The following ZMYM4 variants were observed in gnomAD, a reference collection of about 807,000 sequenced individuals.
ZMYM4 encodes the protein zinc finger MYM-type containing 4.
A neutral mutation model predicts 183.2 loss-of-function variants in ZMYM4; 31 were observed. The observed-to-expected ratio is 0.17, with a 90% CI of 0.13 to 0.23. ZMYM4 has a LOEUF of 0.23. ZMYM4 is among the 10% of genes least tolerant of loss of function. The probability of loss-of-function intolerance (pLI) is 1.00; values close to 1 mark genes in which losing one functional copy is unlikely to be tolerated. For missense variants in ZMYM4, 1,273 were observed against 1,840.3 expected (o/e 0.69, Z 5.64); for synonymous variants, 592 against 631.2 (o/e 0.94, Z 0.93).
At position 35,413,720 on chromosome 1, in the gene ZMYM4, C is replaced by G. The variant is rs182818526; in HGVS notation, c.3949-252C>G. On this transcript the variant is annotated intron_variant, in intron 26 of 29. Transcript: ENST00000314607. ...TTCATAATACTTCTTCTGTACCATC[C>G]GTGTTTGAAAACGAAGTACAAAAAC... is the stretch of plus-strand genomic sequence containing the variant. Among the ~76,000 whole-genome samples, 29 of 152,222 alleles carry G rather than the reference C, an allele frequency of 1.9e-4. No homozygotes were observed. The East Asian group carries it at 5.4e-3, about 28-fold the overall frequency.
chr1:35,370,009 TA>T lies in ZMYM4; in HGVS notation c.841-19del, dbSNP rs1179245881. On this transcript the variant is annotated intron_variant, in intron 5 of 29. Transcript: ENST00000314607. ...TTATTCTTTTCTCTATGTATTTATT[TA>T]TTTTTTTCTTCTTTAAAGGAGTATA... 4.5e-6 allele frequency: 7 copies of T among 1,566,842 alleles called. No homozygotes were observed. The highest frequency in any genetic ancestry group is 6.1e-6 in the Non-Finnish European group (7 of 1,142,928).
chr1:35,268,840 C>T lies in ZMYM4; in HGVS notation c.-207C>T, dbSNP rs1315617536. The T allele has an allele frequency of 8.9e-6, 4 of 448,258 alleles. No individual in the cohort carries two copies. The highest frequency in any genetic ancestry group is 4.1e-5 in the East Asian group (1 of 24,324). 27.8% of individuals were successfully genotyped at this position (448,258 alleles called of 1,614,324 possible). A position where few individuals can be genotyped will look rare whatever the true frequency, so the allele number is the denominator to read the frequency against. ...CCCACCCCGTCCCCGGGCAGGCCCT[C>T]CCGCCCACGCGCGGACCCGTGGGAT... is the stretch of plus-strand genomic sequence containing the variant. On this transcript the variant is annotated 5_prime_UTR_variant, in exon 1 of 30. Transcript: ENST00000314607.
chr1:35,336,017 T>C (rs1461850387), intron 2 of ZMYM4, among the ~76,000 whole-genome samples: 1 of 152,210 alleles, frequency 6.6e-6, no homozygotes, highest in Admixed American at 6.5e-5. Context: ...ATATTCACAT[T>C]GTTGTGCAAC....
intron 2 of ZMYM4, among the ~76,000 whole-genome samples, chr1:35,328,959 G>C (rs1642621423): frequency 6.6e-6 from 1 of 152,044 alleles, no homozygotes; most frequent in Non-Finnish European, 1.5e-5. Context: ...GACCTACCCT[G>C]CTAGACCTAC....
intron 1 of ZMYM4, among the ~76,000 whole-genome samples, chr1:35,282,081 A>G (rs182887771): frequency 1.6e-4 from 25 of 152,354 alleles, no homozygotes; most frequent in African/African-American, 5.8e-4. Context: ...GGCTATTGTA[A>G]GTAATGTTGC....
intron 1 of ZMYM4, among the ~76,000 whole-genome samples, chr1:35,271,833 A>C (rs1639622006): frequency 6.6e-6 from 1 of 152,220 alleles, no homozygotes; most frequent in Non-Finnish European, 1.5e-5. Flanking sequence ...GTGTGGTGGC[A>C]CATGCTTCTA....
chr1:35,370,461 G>C lies in ZMYM4; in HGVS notation c.1015G>C (p.Val339Leu). ...TTCAGTTCCAGCCACAGCTGTTCGA[G>C]TTTCCTGTTCTGGTTGTAAAAAAAT... ...LPSVPATAVR[V>L]SCSGCKKILQ... The change falls in exon 7 of 30, where the codon GTT (valine) becomes CTT (leucine). Residue 339 changes from valine (V) to leucine (L), a missense_variant. By Grantham distance (32) the Val-to-Leu change is conservative (BLOSUM62 1). Transcript: ENST00000314607. The C allele has an allele frequency of 6.3e-7, 1 of 1,598,852 alleles. No individual in the cohort carries two copies.
chr1:35,357,596 G>T (rs1171697251), intron 2 of ZMYM4, among the ~76,000 whole-genome samples: 2 of 152,170 alleles, frequency 1.3e-5, no homozygotes, highest in Admixed American at 6.5e-5. Flanking sequence ...AGAGAGATAA[G>T]TAATAAAGTT....
At chr1:35,380,792 G>C (rs1426176505) in intron 7 of ZMYM4, among the ~76,000 whole-genome samples, 2 of 151,970 alleles carry the variant, frequency 1.3e-5, no homozygotes, top group African/African-American at 2.4e-5. Context: ...ATTTAGATAT[G>C]GTAATGTTAT....
intron 7 of ZMYM4, among the ~76,000 whole-genome samples, chr1:35,379,137 A>G (rs1644396929): frequency 6.6e-6 from 1 of 152,022 alleles, no homozygotes; most frequent in Non-Finnish European, 1.5e-5. Context: ...GTGTCTCTCT[A>G]TCACCCAGGC....
At chr1:35,296,023 T>A (rs1379739688) in intron 1 of ZMYM4, 2 of 152,214 alleles carry the variant, frequency 1.3e-5, no homozygotes, top group East Asian at 3.9e-4. Context: ...TGGGGTTAAA[T>A]AGTGCCATTT....
intron 2 of ZMYM4, chr1:35,351,430 A>C (rs1643602547): frequency 6.4e-7 from 1 of 1,573,206 alleles, no homozygotes; most frequent in Admixed American, 1.7e-5. Context: ...ATGATGGAGG[A>C]GATGTATAAG....
intron 1 of ZMYM4, among the ~76,000 whole-genome samples, chr1:35,292,849 C>T (rs1640828520): frequency 1.3e-5 from 2 of 152,038 alleles, no homozygotes; most frequent in African/African-American, 4.8e-5. Context: ...CAGGGGAGTT[C>T]CCCCATTTCC....
intron 1 of ZMYM4, among the ~76,000 whole-genome samples, chr1:35,284,429 T>G (rs1471899068): frequency 6.6e-6 from 1 of 152,244 alleles, no homozygotes; most frequent in Non-Finnish European, 1.5e-5. Flanking sequence ...GTCTTTAATT[T>G]AGGTCTTTAA....
chr1:35,298,076 G>T (rs1371747066), intron 1 of ZMYM4, among the ~76,000 whole-genome samples: 1 of 152,226 alleles, frequency 6.6e-6, no homozygotes, highest in Non-Finnish European at 1.5e-5. Flanking sequence ...AAATCTGGAT[G>T]ATGGCCAGCC....
intron 1 of ZMYM4, among the ~76,000 whole-genome samples, chr1:35,311,745 TAAA>T (rs1374325790): frequency 1.3e-5 from 2 of 152,226 alleles, no homozygotes; most frequent in Non-Finnish European, 2.9e-5. Context: ...AAACATAGGT[TAAA>T]GAAGTGAAAA....
chr1:35,397,435 G>C lies in ZMYM4; in HGVS notation c.3089G>C (p.Ser1030Thr). Reference sequence around the variant, plus strand: ...GATAGTGAAGATAAAGTCACAGAGAGTATTGAAGACATTAAAGAAAAGCTT... The same window carrying C: ...GATAGTGAAGATAAAGTCACAGAGACTATTGAAGACATTAAAGAAAAGCTT... ...SMDSEDKVTE[S>T]IEDIKEKLPT... Residue 1030 changes from serine to threonine, a missense_variant, in exon 20 of 30, where the codon AGT (serine) becomes ACT (threonine). Ser to Thr is a moderately conservative substitution (Grantham distance 58). Transcript: ENST00000314607. 2 of 1,613,352 alleles carry C rather than the reference G, an allele frequency of 1.2e-6. No individual in the cohort carries two copies. Among genetic ancestry groups the C allele is most frequent in the Non-Finnish European group, 1.7e-6 (2 of 1,179,658 alleles).
intron 28 of ZMYM4, among the ~76,000 whole-genome samples, chr1:35,416,873 A>G (rs895699859): frequency 6.6e-6 from 1 of 152,050 alleles, no homozygotes; most frequent in African/African-American, 2.4e-5. Context: ...CTCAGTTGGT[A>G]TTAACTGGGG....
intron 1 of ZMYM4, 121 bp downstream of exon 1, chr1:35,269,206 A>C: frequency 9.4e-7 from 1 of 1,067,132 alleles, no homozygotes; most frequent in African/African-American, 1.9e-5. Context: ...GGTTGCGGGC[A>C]GGTCTGAGGC....
Sources: allele counts gnomAD v4.1 joint callset (sites outside exome capture counted in the v4.1 genomes callset), GRCh38; gene constraint gnomAD v4.1.1; transcripts MANE v1.5; gene names NCBI Gene and HGNC (gene_info 2026-07-23, HGNC 2026-07-21).